Variants in DNAJB14 observed in about 807,000 individuals in gnomAD.
The protein encoded by DNAJB14 is DnaJ heat shock protein family (Hsp40) member B14.
A neutral mutation model predicts 48.4 loss-of-function variants in DNAJB14; 22 were observed. The ratio of observed to expected loss-of-function variants is 0.45; its 90% CI spans 0.32 to 0.65. DNAJB14 has a LOEUF of 0.65. DNAJB14 is among the 30% of genes least tolerant of loss of function. DNAJB14 has a pLI of 0.03. For missense variants in DNAJB14, 319 were observed against 458.8 expected (o/e 0.70, Z 2.78); for synonymous variants, 142 against 158.7 (o/e 0.89, Z 0.79).
intron 1 of DNAJB14, among the ~76,000 whole-genome samples, chr4:99,940,396 C>T (rs545582715): frequency 6.6e-6 from 1 of 152,132 alleles, no homozygotes; most frequent in South Asian, 2.1e-4. Context: ...AGTTTGAAAC[C>T]AGCCTGGTCA....
chr4:99,919,174 T>C (rs1725961550), intron 3 of DNAJB14, among the ~76,000 whole-genome samples: 1 of 152,130 alleles, frequency 6.6e-6, no homozygotes, highest in African/African-American at 2.4e-5. Flanking sequence ...AGGCTATCCC[T>C]TTCCTGATCA....
At chr4:99,922,481 A>G (rs1726094475) in intron 3 of DNAJB14, 2 of 152,144 alleles carry the variant, frequency 1.3e-5, no homozygotes, top group Non-Finnish European at 2.9e-5. Flanking sequence ...TTGGCAAAAA[A>G]TTTAAAGAAT....
intron 3 of DNAJB14, among the ~76,000 whole-genome samples, chr4:99,911,418 C>T (rs993882467): frequency 1.3e-5 from 2 of 152,070 alleles, no homozygotes; most frequent in Admixed American, 6.5e-5. Context: ...CCCAGGAGTG[C>T]ATTGCTGGGT....
chr4:99,923,135 G>C lies in DNAJB14; in HGVS notation c.356C>G (p.Ala119Gly). Residue 119 changes from alanine to glycine, a missense_variant, in exon 3 of 8, where the codon GCT (alanine) becomes GGT (glycine). By Grantham distance (60) the Ala-to-Gly change is moderately conservative. Around this residue, in one of 3 missense-constraint regions of DNAJB14, gnomAD observed 37 missense variants for 87.8 expected, o/e 0.42. Coordinates refer to ENST00000442697, the MANE Select transcript of DNAJB14 (RefSeq NM_001031723.4). ...AGCTTTTTTCAAATCTTCATCACCA[G>C]CATCTTTCGTAACTCCAAGTACTTC... ...YYEVLGVTKD[A>G]GDEDLKKAYR... 1.9e-6 allele frequency: 3 copies of C among 1,612,456 alleles called. No individual in the cohort carries two copies. Among genetic ancestry groups the C allele is most frequent in the Non-Finnish European group, 2.5e-6 (3 of 1,179,104 alleles).
intron 1 of DNAJB14, among the ~76,000 whole-genome samples, chr4:99,941,082 A>G (rs144251958): frequency 1.9e-3 from 294 of 152,292 alleles, no homozygotes; most frequent in African/African-American, 6.8e-3. Context: ...TGAAGAGAGT[A>G]AAATTAAATA....
Position 99,946,511 on chromosome 4 carries a change from C to A in DNAJB14, c.61G>T (p.Ala21Ser), listed in dbSNP as rs1371057012. 6.2e-7 allele frequency: 1 copy of A among 1,613,888 alleles called. No individual in the cohort carries two copies. Among genetic ancestry groups the A allele is most frequent in the Admixed American group, 1.7e-5 (1 of 60,020 alleles). Residue 21 changes from alanine to serine, a missense_variant, in exon 1 of 8, where the codon GCC (alanine) becomes TCC (serine). By Grantham distance (99) the Ala-to-Ser change is moderately conservative. Transcript: ENST00000442697. ...CVEIAREALNAGNREKAQRFL... is the reference protein window; with the variant it reads ...CVEIAREALNSGNREKAQRFL... ...CGCTGGGCCTTCTCGCGGTTGCCGG[C>A]GTTCAGGGCCTCCCGGGCGATCTCG...
intron 1 of DNAJB14, among the ~76,000 whole-genome samples, chr4:99,941,724 C>T (rs1726897197): frequency 6.6e-6 from 1 of 152,088 alleles, no homozygotes; most frequent in African/African-American, 2.4e-5. Context: ...ATAAATCAAA[C>T]TCCATTTTAT....
chr4:99,904,724 T>A (rs1287071551), intron 6 of DNAJB14, among the ~76,000 whole-genome samples: 2 of 152,136 alleles, frequency 1.3e-5, no homozygotes, highest in East Asian at 3.8e-4. Flanking sequence ...ACCACATTTT[T>A]AAATATACTA....
chr4:99,921,329 A>G (rs1033173693), intron 3 of DNAJB14, among the ~76,000 whole-genome samples: 4 of 152,226 alleles, frequency 2.6e-5, no homozygotes, highest in Non-Finnish European at 5.9e-5. Flanking sequence ...GCAGAGCACT[A>G]AACTCTGAAA....
Position 99,906,704 on chromosome 4 carries a change from T to A in DNAJB14, c.638-93A>T, listed in dbSNP as rs1725481136. The stretch of plus-strand genomic sequence containing the variant: ...ACATTTTTCTTTAATTTTAAAAAAT[T>A]ACTAAAATAATGCATGTGTATTTTC... On this transcript the variant is annotated intron_variant, in intron 4 of 7. Coordinates refer to ENST00000442697, the MANE Select transcript of DNAJB14 (RefSeq NM_001031723.4). 3 of 1,053,264 alleles carry A rather than the reference T, an allele frequency of 2.8e-6. No homozygotes were observed. The East Asian group carries it at 7.7e-5, about 27-fold the overall frequency. The allele number at this position is 1,053,264 out of a possible 1,614,324, so 65.2% of individuals were successfully genotyped here. A position where few individuals can be genotyped will look rare whatever the true frequency, so the allele number is the denominator to read the frequency against.
At chr4:99,923,336 G>T in intron 2 of DNAJB14, 151 bp from the exon 3 acceptor site, 1 of 738,370 alleles carries the variant, frequency 1.4e-6, no homozygotes. Context: ...GGATTAGTCT[G>T]CTTCATTCTC....
chr4:99,923,283 T>C, intron 2 of DNAJB14, 98 bp from the exon 3 acceptor site: 2 of 1,097,002 alleles, frequency 1.8e-6, no homozygotes, highest in Non-Finnish European at 2.5e-6. Context: ...AAGAACTATC[T>C]GTGGACTCTT....
In DNAJB14 at chr4:99,930,437, T is replaced by C. The variant is rs1305617423; in HGVS notation, c.305+13A>G. 2 of 1,581,874 alleles carry C rather than the reference T, an allele frequency of 1.3e-6. No individual in the cohort carries two copies. Among genetic ancestry groups the C allele is most frequent in the South Asian group, 1.2e-5 (1 of 85,036 alleles). On this transcript the variant is annotated intron_variant, in intron 2 of 7. Coordinates refer to ENST00000442697, the MANE Select transcript of DNAJB14 (RefSeq NM_001031723.4). ...CCAATTATGATTGAGATGTAAACCA[T>C]ATTTATTCCTACCTGAGAACTCCAT... is the stretch of plus-strand genomic sequence containing the variant.
rs1725247098 is a variant in DNAJB14 at position 99,900,123 on chromosome 4, T to C, written c.*905A>G. The stretch of plus-strand genomic sequence containing the variant: ...GGAACTTCTTTGGATCCTGCTTAAA[T>C]GATCACCAAGAAACTGCAAATTTCT... On this transcript the variant is annotated 3_prime_UTR_variant, in exon 8 of 8. Coordinates refer to ENST00000442697, the MANE Select transcript of DNAJB14 (RefSeq NM_001031723.4). The C allele has an allele frequency of 6.6e-6, 1 of 152,382 alleles. No individual in the cohort carries two copies. Among genetic ancestry groups the C allele is most frequent in the Non-Finnish European group, 1.5e-5 (1 of 67,860 alleles). 9.4% of individuals were successfully genotyped at this position (152,382 alleles called of 1,614,324 possible).
At chr4:99,905,938 G>A (rs1474323687) in intron 5 of DNAJB14, 61 of 1,343,538 alleles carry the variant, frequency 4.5e-5, no homozygotes, top group Non-Finnish European at 5.5e-5. Flanking sequence ...TTTTATAGAT[G>A]AGGAAGTCTT....
intron 1 of DNAJB14, among the ~76,000 whole-genome samples, chr4:99,935,243 G>T (rs1726629156): frequency 6.6e-6 from 1 of 152,096 alleles, no homozygotes; most frequent in African/African-American, 2.4e-5. Context: ...AAGAGCAAAT[G>T]ACTTATAAAG....
At chr4:99,942,084 C>T (rs1307111254) in intron 1 of DNAJB14, 1 of 151,870 alleles carries the variant, frequency 6.6e-6, no homozygotes, top group East Asian at 1.9e-4. Context: ...AGAGACAGAA[C>T]TTTGTATTTT....
intron 1 of DNAJB14, among the ~76,000 whole-genome samples, chr4:99,938,008 A>G (rs1008865799): frequency 3.3e-5 from 5 of 150,128 alleles, no homozygotes; most frequent in Non-Finnish European, 7.4e-5. Context: ...CTGTAATCCC[A>G]ACACTTTGGG....
Position 99,946,503 on chromosome 4 carries a change from G to A in DNAJB14, c.69C>T (p.Asn23=). The A allele has an allele frequency of 6.2e-7, 1 of 1,613,902 alleles. No homozygotes were observed. The change falls in exon 1 of 8, where the codon AAC becomes AAT. Residue 23 remains asparagine, a synonymous_variant. Coordinates refer to ENST00000442697, the MANE Select transcript of DNAJB14 (RefSeq NM_001031723.4). Reference sequence around the variant, plus strand: ...GCAGGAAGCGCTGGGCCTTCTCGCGGTTGCCGGCGTTCAGGGCCTCCCGGG... The same window carrying A: ...GCAGGAAGCGCTGGGCCTTCTCGCGATTGCCGGCGTTCAGGGCCTCCCGGG... ...EIAREALNAG[N]REKAQRFLQK...
Sources: allele counts gnomAD v4.1 joint callset (sites outside exome capture counted in the v4.1 genomes callset), GRCh38; gene constraint gnomAD v4.1.1; regional missense constraint gnomAD v4.1.1; transcripts MANE v1.5; gene names NCBI Gene and HGNC (gene_info 2026-07-23, HGNC 2026-07-21).